Variants in MPDZ observed in about 807,000 individuals in gnomAD.
MPDZ encodes multiple PDZ domain protein.
A neutral mutation model predicts 239.1 loss-of-function variants in MPDZ; 234 were observed. That is an observed-to-expected ratio of 0.98 (90% CI 0.88 to 1.09). The LOEUF is 1.09. MPDZ is among the 50% of genes least tolerant of loss of function. The pLI, the probability that MPDZ is intolerant of heterozygous loss-of-function variation, is 0.00. For synonymous variants in MPDZ, 1,048 were observed against 881.3 expected, an observed-to-expected ratio of 1.19 and a Z score of -3.35; for missense variants, 3,175 against 2,510.0, an observed-to-expected ratio of 1.26 and a Z score of -5.66.
At chr9:13,252,715 G>A (rs1333677748) in intron 1 of MPDZ, among the ~76,000 whole-genome samples, 1 of 152,076 alleles carries the variant, frequency 6.6e-6, no homozygotes, top group Non-Finnish European at 1.5e-5. Context: ...TGGGCGTGGT[G>A]CATGTGCCTG....
chr9:13,108,897 T>A, intron 46 of MPDZ, 39 bp downstream of exon 46: 1 of 1,600,124 alleles, frequency 6.2e-7, no homozygotes. Context: ...TTAATGAATG[T>A]TTAGGGGAAA....
At chr9:13,208,928 C>CA (rs1404417362) in intron 10 of MPDZ, among the ~76,000 whole-genome samples, 1 of 151,960 alleles carries the variant, frequency 6.6e-6, no homozygotes, top group Admixed American at 6.6e-5. Context: ...GAAAAACTAA[C>CA]AAAATAGAAC....
chr9:13,110,120 G>T, intron 44 of MPDZ, 56 bp from the exon 45 acceptor site: 1 of 1,279,328 alleles, frequency 7.8e-7, no homozygotes, highest in Non-Finnish European at 1.1e-6. Flanking sequence ...GCTAGGGAAA[G>T]TAATTTTTCT....
chr9:13,272,717 A>T (rs1359199526), intron 1 of MPDZ, among the ~76,000 whole-genome samples: 1 of 151,638 alleles, frequency 6.6e-6, no homozygotes, highest in Non-Finnish European at 1.5e-5. Flanking sequence ...AAAAAAAAAA[A>T]AAAAGAAGAA....
chr9:13,114,478 G>T (rs1563822543), intron 40 of MPDZ, among the ~76,000 whole-genome samples: 1 of 152,194 alleles, frequency 6.6e-6, no homozygotes, highest in Admixed American at 6.5e-5. Flanking sequence ...AGAAGGTCAA[G>T]AGGTCTTGTC....
At chr9:13,192,422 T>C (rs1006140319) in intron 14 of MPDZ, 127 bp from the exon 15 acceptor site, 6 of 749,344 alleles carry the variant, frequency 8.0e-6, no homozygotes, top group East Asian at 5.5e-5. Context: ...CTCAGAACTA[T>C]AGTGAGACCT....
At chr9:13,194,926 A>G (rs1484359508) in intron 13 of MPDZ, among the ~76,000 whole-genome samples, 3 of 152,140 alleles carry the variant, frequency 2.0e-5, no homozygotes, top group Admixed American at 2.0e-4. Flanking sequence ...AGGTCAATTT[A>G]AAATGGTAGT....
At chr9:13,205,611 T>C (rs1956896379) in intron 11 of MPDZ, among the ~76,000 whole-genome samples, 1 of 151,922 alleles carries the variant, frequency 6.6e-6, no homozygotes, top group Non-Finnish European at 1.5e-5. Context: ...CATCCAGAAG[T>C]AAGGCAGAAA....
chr9:13,112,317 C>T (rs896134997), intron 42 of MPDZ, among the ~76,000 whole-genome samples, 171 bp from the exon 43 acceptor site: 2 of 152,150 alleles, frequency 1.3e-5, no homozygotes, highest in Non-Finnish European at 2.9e-5. Context: ...CTTAGCGTGG[C>T]TTAGGAAAAT....
rs1324518631 is a variant in MPDZ, at chr9:13,175,737, A to C, written c.3055+15T>G. ...GGGTTGAGGAGTAGGTATATGAGGAAAATGAGAAACTTACCTAGGCTAGAA... is the reference window on the plus strand; with the variant it reads ...GGGTTGAGGAGTAGGTATATGAGGACAATGAGAAACTTACCTAGGCTAGAA... On this transcript the variant is annotated intron_variant, in intron 21 of 46. Transcript: ENST00000319217. 6.4e-7 allele frequency: 1 copy of C among 1,564,786 alleles called. No homozygotes were observed. The highest frequency in any genetic ancestry group is 2.3e-5 in the East Asian group (1 of 42,952).
Position 13,140,082 on chromosome 9 carries a change from G to T in MPDZ, c.3908C>A (p.Ser1303Ter), listed in dbSNP as rs765994775. 2 of 1,613,342 alleles carry T rather than the reference G, an allele frequency of 1.2e-6. No homozygotes were observed. Among genetic ancestry groups the T allele is most frequent in the South Asian group, 2.2e-5 (2 of 91,080 alleles). Residue 1303 changes from serine (S) to a stop codon, truncating the protein, a stop_gained, in exon 28 of 47, where the codon TCA becomes TAA. Coordinates refer to ENST00000319217, the MANE Select transcript of MPDZ (RefSeq NM_001378778.1). LOFTEE classifies it high-confidence loss of function. ...PLCSVPPPPP[S>*]AFAEMGSDHT... ...ATCACTACCCATTTCGGCAAAGGCTGAAGGAGGGGGTGGGGGCACACTGCA... is the reference window on the plus strand; with the variant it reads ...ATCACTACCCATTTCGGCAAAGGCTTAAGGAGGGGGTGGGGGCACACTGCA...
At chr9:13,156,162 A>G (rs1293827040) in intron 24 of MPDZ, among the ~76,000 whole-genome samples, 1 of 152,140 alleles carries the variant, frequency 6.6e-6, no homozygotes, top group East Asian at 1.9e-4. Flanking sequence ...ATGACACTGA[A>G]TTTTCCCCCA....
chr9:13,221,560 T>C, intron 6 of MPDZ, 60 bp from the exon 7 acceptor site: 1 of 1,549,582 alleles, frequency 6.5e-7, no homozygotes, highest in Middle Eastern at 1.7e-4. Context: ...CATTTTACAT[T>C]ACAGTAGAAA....
intron 3 of MPDZ, among the ~76,000 whole-genome samples, chr9:13,232,454 G>A (rs1962768826): frequency 6.6e-6 from 1 of 151,842 alleles, no homozygotes; most frequent in Non-Finnish European, 1.5e-5. Flanking sequence ...AATGGTTCTG[G>A]GTCAAATGGA....
chr9:13,111,473 C>A (rs1437128767), intron 43 of MPDZ, among the ~76,000 whole-genome samples: 1 of 152,080 alleles, frequency 6.6e-6, no homozygotes, highest in Non-Finnish European at 1.5e-5. Context: ...GACTGAGTTG[C>A]GTTAATGGAA....
At chr9:13,239,546 A>G (rs1049301756) in intron 3 of MPDZ, among the ~76,000 whole-genome samples, 2 of 152,152 alleles carry the variant, frequency 1.3e-5, no homozygotes, top group Non-Finnish European at 2.9e-5. Context: ...GCTAAGAGAA[A>G]AAGTAGGGTC....
In MPDZ at chr9:13,150,657, A is replaced by C. The variant is rs1201326369; in HGVS notation, c.3484T>G (p.Leu1162Val). The C allele has an allele frequency of 1.4e-5, 20 of 1,456,876 alleles. No individual in the cohort carries two copies. Among genetic ancestry groups the C allele is most frequent in the Non-Finnish European group, 1.8e-5 (20 of 1,097,992 alleles). The allele number at this position is 1,456,876 out of a possible 1,614,324, so 90.2% of individuals were successfully genotyped here. A position where few individuals can be genotyped will look rare whatever the true frequency, so the allele number is the denominator to read the frequency against. ...VELWREPSKSLGISIVGGRGM... is the reference protein window; with the variant it reads ...VELWREPSKSVGISIVGGRGM... ...CGTCCACCAACAATGCTGATGCCTA[A>C]GGATTTGCTTGGTTCTCTCCAGAGT... Residue 1162 changes from leucine to valine, a missense_variant, in exon 25 of 47, where the codon TTA becomes GTA. Coordinates refer to ENST00000319217, the MANE Select transcript of MPDZ (RefSeq NM_001378778.1).
intron 17 of MPDZ, among the ~76,000 whole-genome samples, chr9:13,188,244 G>A (rs1255703011): frequency 6.6e-6 from 1 of 152,082 alleles, no homozygotes; most frequent in Non-Finnish European, 1.5e-5. Context: ...AAGGCTGGGC[G>A]TGGTGGCTCA....
intron 1 of MPDZ, chr9:13,274,618 A>C (rs1055777116): frequency 1.3e-5 from 2 of 150,178 alleles, no homozygotes; most frequent in East Asian, 2.0e-4. Flanking sequence ...CACCTAAAAA[A>C]CAAAAAAAAA....
Sources: allele counts gnomAD v4.1 joint callset (sites outside exome capture counted in the v4.1 genomes callset), GRCh38; gene constraint gnomAD v4.1.1; transcripts MANE v1.5; gene names NCBI Gene and HGNC (gene_info 2026-07-23, HGNC 2026-07-21).